Variants in HPS1 observed in about 807,000 individuals in gnomAD.
HPS1 encodes HPS1 biogenesis of lysosomal organelles complex 3 subunit 1.
In HPS1, 59 loss-of-function variants were observed where a neutral mutation model predicts 90.6. The ratio of observed to expected loss-of-function variants is 0.65; its 90% CI spans 0.53 to 0.81. The LOEUF is 0.81. Ranked by LOEUF, HPS1 falls within the 30% of genes least tolerant of loss-of-function variation. HPS1 has a pLI of 0.00. For missense variants in HPS1, 849 were observed against 896.7 expected (o/e 0.95, Z 0.68); for synonymous variants, 388 against 384.4 (o/e 1.01, Z -0.11).
chr10:98,430,642 C>T lies in HPS1; in HGVS notation c.697G>A (p.Asp233Asn), dbSNP rs535690375. The T allele has an allele frequency of 4.3e-5, 67 of 1,554,984 alleles. No homozygotes were observed. Among genetic ancestry groups the T allele is most frequent in the Non-Finnish European group, 5.0e-5 (58 of 1,148,710 alleles). The part of the protein sequence containing the change: ...SHSASSLRPA[D>N]LLALILLVQD... Reference sequence around the variant, plus strand: ...ACCAGGAGGATGAGGGCAAGCAGGTCGGCCGGGCGCAGGGAGCTGGCACTG... The same window carrying T: ...ACCAGGAGGATGAGGGCAAGCAGGTTGGCCGGGCGCAGGGAGCTGGCACTG... The change falls in exon 8 of 20, where the codon GAC becomes AAC. Residue 233 changes from aspartate (D) to asparagine (N), a missense_variant. Physicochemically the swap from Asp to Asn is conservative, Grantham distance 23 (BLOSUM62 1). Coordinates refer to ENST00000361490, the MANE Select transcript of HPS1 (RefSeq NM_000195.5).
chr10:98,442,863 A>G, intron 3 of HPS1: 2 of 498,564 alleles, frequency 4.0e-6, no homozygotes, highest in Non-Finnish European at 7.3e-6. Flanking sequence ...CTGTTACGTG[A>G]TAAAATTCGA....
intron 17 of HPS1, among the ~76,000 whole-genome samples, chr10:98,421,797 T>C (rs1383348519): frequency 2.0e-5 from 3 of 152,224 alleles, no homozygotes; most frequent in Non-Finnish European, 4.4e-5. Context: ...TATTTCCTTC[T>C]ACAGATGAGG....
chr10:98,418,850 G>A (rs1342287204), intron 18 of HPS1, among the ~76,000 whole-genome samples: 2 of 152,250 alleles, frequency 1.3e-5, no homozygotes, highest in African/African-American at 2.4e-5. Flanking sequence ...ACCCCACGGG[G>A]CCACCCAAGC....
chr10:98,429,975 G>T (rs2136198910), intron 8 of HPS1, 86 bp from the exon 9 acceptor site: 17 of 1,235,004 alleles, frequency 1.4e-5, no homozygotes, highest in East Asian at 7.3e-5. Flanking sequence ...TCACAGAGAA[G>T]CCTCCACCCC....
intron 3 of HPS1, among the ~76,000 whole-genome samples, chr10:98,438,763 A>C (rs1010853536): frequency 6.6e-6 from 1 of 152,228 alleles, no homozygotes; most frequent in African/African-American, 2.4e-5. Flanking sequence ...AAATTTGCAT[A>C]AATAATGAAG....
downstream of HPS1, chr10:98,415,112 G>A (rs1348879172): frequency 1.9e-6 from 3 of 1,613,652 alleles, no homozygotes; most frequent in South Asian, 2.2e-5. Flanking sequence ...CAGCCTTGCA[G>A]AGACCTCGGC....
chr10:98,427,360 A>G (rs1845752906), intron 10 of HPS1, 96 bp from the exon 11 acceptor site: 3 of 1,043,782 alleles, frequency 2.9e-6, no homozygotes, highest in Non-Finnish European at 4.3e-6. Flanking sequence ...GCCCCCCACA[A>G]CCTCAGCCCT....
chr10:98,437,460 C>T (rs1047050897), intron 3 of HPS1, among the ~76,000 whole-genome samples: 13 of 152,340 alleles, frequency 8.5e-5, no homozygotes, highest in East Asian at 1.9e-4. Context: ...CAACAGACCA[C>T]GCATGATAGT....
At position 98,435,373 on chromosome 10, in the gene HPS1, G is replaced by T; in HGVS notation, c.297C>A (p.Thr99=). ...CLFIAINGDH[T]ESEGDLRRKL... ...TCCGCCGCAGGTCCCCCTCGCTCTC[G>T]GTGTGGTCACCATTGATGGCAATGA... Residue 99 remains threonine (T), a synonymous_variant, in exon 5 of 20, where the codon ACC becomes ACA. Coordinates refer to ENST00000361490, the MANE Select transcript of HPS1 (RefSeq NM_000195.5). The surrounding 1 kb of genome is among the most constrained non-coding windows in gnomAD (Gnocchi z 4.3). 3 of 1,613,886 alleles carry T rather than the reference G, an allele frequency of 1.9e-6. No individual in the cohort carries two copies. Among genetic ancestry groups the T allele is most frequent in the South Asian group, 2.2e-5 (2 of 91,060 alleles).
At position 98,424,357 on chromosome 10, in the gene HPS1, A is replaced by C; in HGVS notation, c.1353T>G (p.Phe451Leu). ...CACTTTTGGAGAAAGCCTTGGCCTT[A>C]AACTCCAGCCAGGTGCTCTGGAAGG... ...AQEIQSTWLE[F>L]KAKAFSKSEP... Residue 451 changes from phenylalanine to leucine, a missense_variant, in exon 14 of 20, where the codon TTT becomes TTG. Phe to Leu is a conservative substitution (Grantham distance 22). Coordinates refer to ENST00000361490, the MANE Select transcript of HPS1 (RefSeq NM_000195.5). 3.7e-6 allele frequency: 6 copies of C among 1,612,808 alleles called. No individual in the cohort carries two copies. Among genetic ancestry groups the C allele is most frequent in the Non-Finnish European group, 4.2e-6 (5 of 1,179,482 alleles).
Position 98,425,974 on chromosome 10 carries a change from G to A in HPS1, c.999C>T (p.Asp333=), listed in dbSNP as rs760280640. 1.2e-6 allele frequency: 2 copies of A among 1,614,030 alleles called. No individual in the cohort carries two copies. The highest frequency in any genetic ancestry group is 1.7e-6 in the Non-Finnish European group (2 of 1,179,988). Reference sequence around the variant, plus strand: ...AGTGGGGAACCAGTGTTTGGAGGGTGTCCTCTGCTATCTACAGAGGAAGAA... The same window carrying A: ...AGTGGGGAACCAGTGTTTGGAGGGTATCCTCTGCTATCTACAGAGGAAGAA... ...PPMDALQIAE[D]TLQTLVPHCP... is the part of the protein sequence containing the mutation. The change falls in exon 12 of 20, where the codon GAC becomes GAT. Residue 333 remains aspartate, a synonymous_variant. Transcript: ENST00000361490.
Position 98,429,838 on chromosome 10 carries a change from A to C in HPS1, c.820T>G (p.Trp274Gly), listed in dbSNP as rs1463391299. Residue 274 changes from tryptophan (W) to glycine (G), a missense_variant, in exon 9 of 20, where the codon TGG becomes GGG. Transcript: ENST00000361490. ...SSQNIPVQQA[W>G]SPHSTGPTGG... The stretch of plus-strand genomic sequence containing the variant: ...GTTGGGCCCGTGGAGTGAGGGCTCC[A>C]GGCCTGCTGCACGGGGATGTTCTGG... 7 of 1,613,582 alleles carry C rather than the reference A, an allele frequency of 4.3e-6. No individual in the cohort carries two copies. The highest frequency in any genetic ancestry group is 5.1e-6 in the Non-Finnish European group (6 of 1,180,000).
intron 17 of HPS1, among the ~76,000 whole-genome samples, chr10:98,421,855 G>T (rs1358481690): frequency 1.3e-5 from 2 of 152,122 alleles, no homozygotes; most frequent in Non-Finnish European, 2.9e-5. Flanking sequence ...TAACTGGTGG[G>T]AGACGGGGCT....
intron 10 of HPS1, among the ~76,000 whole-genome samples, 171 bp from the exon 11 acceptor site, chr10:98,427,435 C>T (rs545615568): frequency 1.3e-5 from 2 of 152,358 alleles, no homozygotes; most frequent in East Asian, 3.9e-4. Flanking sequence ...CCTAAGTTGG[C>T]AGGCACAAGG....
Position 98,443,143 on chromosome 10 carries a change from G to A in HPS1, c.98C>T (p.Ser33Leu). The A allele has an allele frequency of 6.2e-7, 1 of 1,613,226 alleles. No homozygotes were observed. Among genetic ancestry groups the A allele is most frequent in the Non-Finnish European group, 8.5e-7 (1 of 1,179,322 alleles). Residue 33 changes from serine to leucine, a missense_variant, in exon 3 of 20, where the codon TCA becomes TTA. Coordinates refer to ENST00000361490, the MANE Select transcript of HPS1 (RefSeq NM_000195.5). Reference protein sequence around the residue: ...EESLRLKFGQSENEEEELPAL... With the variant: ...EESLRLKFGQLENEEEELPAL... ...ACTCACCTCTTCTTCCTCATTCTCTGACTGCCCGAACTTCAGCCGGAGACT... is the reference window on the plus strand; with the variant it reads ...ACTCACCTCTTCTTCCTCATTCTCTAACTGCCCGAACTTCAGCCGGAGACT...
At position 98,429,882 on chromosome 10, in the gene HPS1, G is replaced by C; in HGVS notation, c.776C>G (p.Pro259Arg). 1 of 1,610,996 alleles carries C rather than the reference G, an allele frequency of 6.2e-7. No homozygotes were observed. The highest frequency in any genetic ancestry group is 8.5e-7 in the Non-Finnish European group (1 of 1,179,888). The change falls in exon 9 of 20, where the codon CCG (proline) becomes CGG (arginine). Residue 259 changes from proline to arginine, a missense_variant. By Grantham distance (103) the Pro-to-Arg change is moderately radical. Transcript: ENST00000361490. ...STAEDDIQPS[P>R]RRARSSQNIP... ...GTTCTGGCTGCTCCGGGCCCTCCGCGGGGAAGGCTGTGCAGGGCAGGGGAG... is the reference window on the plus strand; with the variant it reads ...GTTCTGGCTGCTCCGGGCCCTCCGCCGGGAAGGCTGTGCAGGGCAGGGGAG...
chr10:98,417,848 C>A lies in HPS1; in HGVS notation c.1941-122G>T. ...CCTCGGTCATCTCACTAGGCCCCTG[C>A]ATGTGGGCCTTGACAACCGCTCCGG... On this transcript the variant is annotated intron_variant, in intron 19 of 19. Coordinates refer to ENST00000361490, the MANE Select transcript of HPS1 (RefSeq NM_000195.5). This position sits in a 1 kb window ranked among gnomAD's most constrained non-coding sequence, Gnocchi z 4.2. 2 of 917,400 alleles carry A rather than the reference C, an allele frequency of 2.2e-6. No homozygotes were observed. The highest frequency in any genetic ancestry group is 3.4e-6 in the Non-Finnish European group (2 of 582,110). 56.8% of individuals were successfully genotyped at this position (917,400 alleles called of 1,614,324 possible).
At position 98,429,585 on chromosome 10, in the gene HPS1, C is replaced by A; in HGVS notation, c.925G>T (p.Asp309Tyr). ...EYFTPAPSPG[D>Y]QSSGSTIWLE... ...CTCCGGTCCTCACCTGAGCTCTGAT[C>A]GCCAGGGGAAGGAGCTGGTGTGAAG... is the stretch of plus-strand genomic sequence containing the variant. The change falls in exon 10 of 20, where the codon GAT becomes TAT. Residue 309 changes from aspartate to tyrosine, a missense_variant. Asp to Tyr is a radical substitution (Grantham distance 160). Transcript: ENST00000361490. 1.2e-6 allele frequency: 2 copies of A among 1,614,180 alleles called. No individual in the cohort carries two copies. Among genetic ancestry groups the A allele is most frequent in the South Asian group, 1.1e-5 (1 of 91,080 alleles).
chr10:98,427,128 C>T, intron 11 of HPS1, 87 bp downstream of exon 11: 1 of 1,154,576 alleles, frequency 8.7e-7, no homozygotes, highest in South Asian at 1.3e-5. Context: ...GGTAGAGTCA[C>T]CCTGGAGGCG....
Sources: gnomAD v4.1 joint callset for allele counts (sites outside exome capture counted in the v4.1 genomes callset) on GRCh38, gnomAD v4.1.1 for gene constraint, Gnocchi (gnomAD v3.1) non-coding constraint, MANE v1.5 for transcripts, NCBI Gene and HGNC (gene_info 2026-07-23, HGNC 2026-07-21) for gene names.